The following MATCAP2 variants were observed in gnomAD, a reference collection of about 807,000 sequenced individuals.
MATCAP2 encodes putative tyrosine carboxypeptidase MATCAP2.
At chr7:36,375,586 G>T in the MATCAP2 span, among the ~76,000 whole-genome samples, 3 of 152,260 alleles carry the variant, frequency 2.0e-5, no homozygotes, top group Middle Eastern at 0.01. Context: ...TTGGTATCAG[G>T]ATGATGCTGG....
At chr7:36,372,393 C>T in the MATCAP2 span, among the ~76,000 whole-genome samples, 1 of 152,094 alleles carries the variant, frequency 6.6e-6, no homozygotes, top group Non-Finnish European at 1.5e-5. Flanking sequence ...AAAATTTCAG[C>T]GAAGTTTGAA....
the MATCAP2 span, among the ~76,000 whole-genome samples, chr7:36,351,437 A>G: frequency 2.0e-5 from 3 of 152,102 alleles, no homozygotes; most frequent in East Asian, 5.8e-4. Context: ...TATAAATGCA[A>G]ATGCACTGCT....
At chr7:36,334,833 A>G in the MATCAP2 span, among the ~76,000 whole-genome samples, 574 of 152,348 alleles carry the variant, frequency 3.8e-3, no homozygotes, top group Non-Finnish European at 6.7e-3. Flanking sequence ...TCCAGGTTCA[A>G]TACACCTAAA....
the MATCAP2 span, among the ~76,000 whole-genome samples, chr7:36,374,039 T>C: frequency 6.6e-6 from 1 of 152,146 alleles, no homozygotes; most frequent in Non-Finnish European, 1.5e-5. Context: ...CCCAAAGTAC[T>C]GGGATTACAG....
At chr7:36,346,184 T>C in the MATCAP2 span, among the ~76,000 whole-genome samples, 88 of 152,208 alleles carry the variant, frequency 5.8e-4, no homozygotes, top group Non-Finnish European at 1.1e-3. Flanking sequence ...ATGCTGCTCA[T>C]GGGAAACTAA....
chr7:36,385,220 G>A, the MATCAP2 span, among the ~76,000 whole-genome samples: 2 of 152,196 alleles, frequency 1.3e-5, no homozygotes, highest in South Asian at 4.1e-4. Flanking sequence ...TAGCATTGCT[G>A]TCACAAAGAT....
At chr7:36,326,806 A>G in the MATCAP2 span, 9 of 1,613,838 alleles carry the variant, frequency 5.6e-6, no homozygotes, top group South Asian at 2.2e-5. Flanking sequence ...ATTCACTTCC[A>G]TGATCTTCTC....
the MATCAP2 span, among the ~76,000 whole-genome samples, chr7:36,349,129 G>A: frequency 2.0e-5 from 3 of 152,244 alleles, no homozygotes; most frequent in Non-Finnish European, 4.4e-5. Context: ...CCATGACAAA[G>A]ATTTTGAACT....
the MATCAP2 span, among the ~76,000 whole-genome samples, chr7:36,379,831 C>G: frequency 2.2e-5 from 3 of 137,512 alleles, no homozygotes; most frequent in Admixed American, 7.8e-5. Context: ...CACACACACA[C>G]ACACACACAC....
At chr7:36,357,576 G>A in the MATCAP2 span, 2 of 1,604,600 alleles carry the variant, frequency 1.2e-6, no homozygotes, top group South Asian at 2.2e-5. Flanking sequence ...TCTTGCTCAG[G>A]CCAGTGAAGC....
chr7:36,354,128 C>T, the MATCAP2 span, among the ~76,000 whole-genome samples: 2 of 152,212 alleles, frequency 1.3e-5, no homozygotes, highest in Non-Finnish European at 2.9e-5. Flanking sequence ...AGTCAGGAAG[C>T]TGAGGCTACC....
At chr7:36,389,624 G>C in the MATCAP2 span, among the ~76,000 whole-genome samples, 8 of 152,210 alleles carry the variant, frequency 5.3e-5, no homozygotes, top group African/African-American at 1.9e-4. Context: ...GTGGTTGTTG[G>C]GGGTGGAGCC....
chr7:36,370,095 G>C, the MATCAP2 span, among the ~76,000 whole-genome samples: 1 of 152,208 alleles, frequency 6.6e-6, no homozygotes, highest in East Asian at 1.9e-4. Flanking sequence ...AATACAAAGA[G>C]TTTATCTAAC....
At chr7:36,339,900 ACGATCT>A in the MATCAP2 span, among the ~76,000 whole-genome samples, 7 of 152,192 alleles carry the variant, frequency 4.6e-5, no homozygotes, top group Admixed American at 4.6e-4. Flanking sequence ...GTGTAGTGGC[ACGATCT>A]CGGCTCACTG....
the MATCAP2 span, chr7:36,366,632 T>C: frequency 2.7e-6 from 4 of 1,497,480 alleles, no homozygotes; most frequent in Non-Finnish European, 3.6e-6. Context: ...ATCTTTGGAT[T>C]GTACCTTTGT....
At chr7:36,351,840 C>T in the MATCAP2 span, among the ~76,000 whole-genome samples, 3 of 146,660 alleles carry the variant, frequency 2.0e-5, no homozygotes. Context: ...CAGCTACTTG[C>T]GGGGCTGAGG....
the MATCAP2 span, chr7:36,330,937 C>T: frequency 1.8e-6 from 2 of 1,093,616 alleles, no homozygotes; most frequent in South Asian, 1.3e-5. Context: ...GAGGGGAATG[C>T]TGATCTGGGG....
chr7:36,367,043 G>A, the MATCAP2 span: 12 of 1,276,544 alleles, frequency 9.4e-6, no homozygotes, highest in African/African-American at 1.6e-5. Context: ...GGTGGCGGGG[G>A]CGCGGCGGGA....
chr7:36,347,776 T>A, the MATCAP2 span, among the ~76,000 whole-genome samples: 3 of 152,186 alleles, frequency 2.0e-5, no homozygotes, highest in Admixed American at 6.5e-5. Flanking sequence ...TTTTCCTGCC[T>A]TACTAGTTAA....
Sources: allele counts gnomAD v4.1 joint callset (sites outside exome capture counted in the v4.1 genomes callset), GRCh38; gene constraint gnomAD v4.1.1; transcripts MANE v1.5; gene names NCBI Gene and HGNC (gene_info 2026-07-23, HGNC 2026-07-21).